CSK: variants seen among roughly 807,000 people sequenced by gnomAD.
CSK encodes the protein tyrosine-protein kinase CSK.
CSK carries 7 observed loss-of-function variants against 62.3 expected under a neutral mutation model. The observed-to-expected ratio is 0.11, with a 90% CI of 0.06 to 0.21. The LOEUF is 0.21. Among genes scored for constraint, CSK ranks in the 10% least tolerant of loss-of-function variants. The pLI, the probability that CSK is intolerant of heterozygous loss-of-function variation, is 1.00. For missense variants in CSK, 294 were observed against 613.5 expected (o/e 0.48, Z 5.50); for synonymous variants, 237 against 246.0 (o/e 0.96, Z 0.34).
At chr15:74,790,829 ACCCT>A (rs1390428989) in intron 1 of CSK, 2 of 152,184 alleles carry the variant, frequency 1.3e-5, no homozygotes, top group South Asian at 2.1e-4. Flanking sequence ...CTCCCAGTCC[ACCCT>A]AAACCACAGG....
Position 74,798,202 on chromosome 15 carries a change from C to A in CSK, c.-65-31C>A. The A allele has an allele frequency of 7.2e-7, 1 of 1,387,344 alleles. No homozygotes were observed. Among genetic ancestry groups the A allele is most frequent in the Non-Finnish European group, 9.7e-7 (1 of 1,026,846 alleles). 85.9% of individuals were successfully genotyped at this position (1,387,344 alleles called of 1,614,324 possible). ...GCAGTTGGGGGGCATTTCTTCACAC[C>A]CCTCCTCAGTCTTCATGCTCTTCCC... On this transcript the variant is annotated intron_variant, in intron 1 of 12. Transcript: ENST00000220003. The surrounding 1 kb of genome is among the most constrained non-coding windows in gnomAD (Gnocchi z 6.6).
chr15:74,791,540 A>G (rs1157402624), intron 1 of CSK, among the ~76,000 whole-genome samples: 1 of 152,132 alleles, frequency 6.6e-6, no homozygotes, highest in Non-Finnish European at 1.5e-5. Flanking sequence ...TTAATTCCAT[A>G]TTATCTACTA....
chr15:74,787,285 G>A (rs1192521290), intron 1 of CSK, among the ~76,000 whole-genome samples: 3 of 152,214 alleles, frequency 2.0e-5, no homozygotes, highest in African/African-American at 7.2e-5. Flanking sequence ...GGGGAGAAGT[G>A]AGCAGGGAGA....
intron 1 of CSK, chr15:74,790,733 A>G (rs2063607428): frequency 2.0e-5 from 3 of 152,194 alleles, no homozygotes; most frequent in African/African-American, 7.2e-5. Flanking sequence ...TCATTCATTC[A>G]TTCATTCAGC....
chr15:74,798,796 G>A lies in CSK; in HGVS notation c.130-30G>A, dbSNP rs368074266. The A allele has an allele frequency of 1.0e-5, 16 of 1,605,956 alleles. No homozygotes were observed. The highest frequency in any genetic ancestry group is 1.3e-5 in the Non-Finnish European group (15 of 1,174,856). Reference sequence around the variant, plus strand: ...TCCCTCTGCAGGGGGAGGTGGGCCTGAGAGCATGTCTGGGCTGCCCTCTCC... The same window carrying A: ...TCCCTCTGCAGGGGGAGGTGGGCCTAAGAGCATGTCTGGGCTGCCCTCTCC... On this transcript the variant is annotated intron_variant, in intron 3 of 12. Transcript: ENST00000220003. The surrounding 1 kb of genome is among the most constrained non-coding windows in gnomAD (Gnocchi z 6.6).
intron 1 of CSK, among the ~76,000 whole-genome samples, chr15:74,796,500 A>G (rs2063707585): frequency 6.6e-6 from 1 of 151,724 alleles, no homozygotes; most frequent in Non-Finnish European, 1.5e-5. Context: ...AGGCTGAGGC[A>G]GGAGGATTGG....
chr15:74,789,769 C>G (rs759777500), intron 1 of CSK, among the ~76,000 whole-genome samples: 3 of 152,224 alleles, frequency 2.0e-5, no homozygotes, highest in Non-Finnish European at 4.4e-5. Flanking sequence ...TCCTGCTCCC[C>G]TCACCCATCT....
intron 1 of CSK, among the ~76,000 whole-genome samples, chr15:74,790,332 C>G (rs1402062311): frequency 6.6e-6 from 1 of 152,232 alleles, no homozygotes; most frequent in Non-Finnish European, 1.5e-5. Flanking sequence ...CCTCCCCTGG[C>G]CCTCAGCACG....
In CSK at chr15:74,798,884, A is replaced by G. The variant is rs1369181420; in HGVS notation, c.188A>G (p.Asn63Ser). Residue 63 changes from asparagine (N) to serine (S), a missense_variant, in exon 4 of 13, where the codon AAC becomes AGC. Asn to Ser is a conservative substitution (Grantham distance 46). This residue lies in a region of CSK where 202 missense variants were observed against 415.7 expected (regional missense o/e 0.49). Coordinates refer to ENST00000220003, the MANE Select transcript of CSK (RefSeq NM_004383.3). The surrounding 1 kb of genome is among the most constrained non-coding windows in gnomAD (Gnocchi z 6.6). ...GGCCGTGAGGGCATCATCCCAGCCAACTACGTCCAGAAGCGGGAGGGCGTG... is the reference window on the plus strand; with the variant it reads ...GGCCGTGAGGGCATCATCCCAGCCAGCTACGTCCAGAAGCGGGAGGGCGTG... ...KVGREGIIPA[N>S]YVQKREGVKA... is the part of the protein sequence containing the mutation. The G allele has an allele frequency of 4.5e-6, 7 of 1,552,594 alleles. No individual in the cohort carries two copies. The highest frequency in any genetic ancestry group is 5.2e-6 in the Non-Finnish European group (6 of 1,149,940).
Position 74,801,404 on chromosome 15 carries a change from A to G in CSK, c.814-118A>G, listed in dbSNP as rs1318789493. Reference sequence around the variant, plus strand: ...GGCATGGATGTTCTGGCCCCTCCCCACTCCTTCCCTGTCTCACACCTCCCT... The same window carrying G: ...GGCATGGATGTTCTGGCCCCTCCCCGCTCCTTCCCTGTCTCACACCTCCCT... On this transcript the variant is annotated intron_variant, in intron 9 of 12. Transcript: ENST00000220003. 5 of 981,142 alleles carry G rather than the reference A, an allele frequency of 5.1e-6. No homozygotes were observed. The East Asian group carries it at 1.3e-4, about 25-fold the overall frequency. 60.8% of individuals were successfully genotyped at this position (981,142 alleles called of 1,614,324 possible).
At position 74,800,904 on chromosome 15, in the gene CSK, C is replaced by G; in HGVS notation, c.704C>G (p.Ala235Gly). The G allele has an allele frequency of 6.2e-7, 1 of 1,613,094 alleles. No individual in the cohort carries two copies. The highest frequency in any genetic ancestry group is 1.1e-5 in the South Asian group (1 of 91,080). The change falls in exon 8 of 13, where the codon GCT becomes GGT. Residue 235 changes from alanine (A) to glycine (G), a missense_variant. Coordinates refer to ENST00000220003, the MANE Select transcript of CSK (RefSeq NM_004383.3). ...KNDATAQAFL[A>G]EASVMTQLRH... The stretch of plus-strand genomic sequence containing the variant: ...GACGCCACTGCCCAGGCCTTCCTGG[C>G]TGAAGCCTCAGTCATGACGTGAGTG...
chr15:74,786,013 T>TTGTG (rs1555464578), intron 1 of CSK, among the ~76,000 whole-genome samples: 12 of 47,824 alleles, frequency 2.5e-4, no homozygotes, highest in African/African-American at 5.4e-4. Flanking sequence ...TTTTTTTTTT[T>TTGTG]TGTGTGTGTG....
Position 74,802,504 on chromosome 15 carries a change from G to A in CSK, c.1344G>A (p.Leu448=), listed in dbSNP as rs756908766. 1.2e-6 allele frequency: 2 copies of A among 1,611,368 alleles called. No individual in the cohort carries two copies. The highest frequency in any genetic ancestry group is 1.1e-5 in the South Asian group (1 of 90,726). ...TTGAGCACATCAAAACCCACGAGCT[G>A]CACCTGTGACGGCTGGCCTCCGCCT... ...EQLEHIKTHE[L]HL The change falls in exon 13 of 13, where the codon CTG becomes CTA. Residue 448 remains leucine (L), a synonymous_variant. Transcript: ENST00000220003.
chr15:74,798,525 C>A lies in CSK; in HGVS notation c.16-90C>A. The A allele has an allele frequency of 7.5e-7, 1 of 1,340,402 alleles. No individual in the cohort carries two copies. The highest frequency in any genetic ancestry group is 1.1e-6 in the Non-Finnish European group (1 of 948,956). The allele number at this position is 1,340,402 out of a possible 1,614,324, so 83.0% of individuals were successfully genotyped here. ...AGCACCTCACCCAGGCTCACAGAGG[C>A]CAGCTCAGAGGCTGTGACCACGAGG... is the stretch of plus-strand genomic sequence containing the variant. On this transcript the variant is annotated intron_variant, in intron 2 of 12. Transcript: ENST00000220003. This position sits in a 1 kb window ranked among gnomAD's most constrained non-coding sequence, Gnocchi z 6.6.
Position 74,799,401 on chromosome 15 carries a change from C to G in CSK, c.372C>G (p.Gly124=). 1 of 1,613,658 alleles carries G rather than the reference C, an allele frequency of 6.2e-7. No individual in the cohort carries two copies. The highest frequency in any genetic ancestry group is 8.5e-7 in the Non-Finnish European group (1 of 1,180,028). ...ACACGCTGTGCGTGAGCTGCGACGG[C>G]AAGGTGGAGCACTACCGCATCATGT... ...GDYTLCVSCD[G]KVEHYRIMYH... is the part of the protein sequence containing the mutation. Residue 124 remains glycine, a synonymous_variant, in exon 5 of 13, where the codon GGC becomes GGG. Transcript: ENST00000220003.
At chr15:74,794,837 T>C (rs1395499525) in intron 1 of CSK, among the ~76,000 whole-genome samples, 1 of 152,118 alleles carries the variant, frequency 6.6e-6, no homozygotes, top group Admixed American at 6.5e-5. Context: ...CTGCTCTCCA[T>C]GATCACATGC....
At chr15:74,785,164 T>C (rs2063496503) in intron 1 of CSK, among the ~76,000 whole-genome samples, 1 of 152,230 alleles carries the variant, frequency 6.6e-6, no homozygotes, top group Admixed American at 6.5e-5. Flanking sequence ...CTGCCAGTCT[T>C]TTCCCCATCC....
intron 9 of CSK, among the ~76,000 whole-genome samples, 154 bp downstream of exon 9, chr15:74,801,256 G>GT (rs1246517804): frequency 6.6e-6 from 1 of 152,220 alleles, no homozygotes; most frequent in African/African-American, 2.4e-5. Context: ...TTCATTGACT[G>GT]TAACATTGGA....
chr15:74,801,635 G>A (rs1340033271), intron 10 of CSK, 40 bp downstream of exon 10: 6 of 1,611,366 alleles, frequency 3.7e-6, no homozygotes, highest in Non-Finnish European at 5.1e-6. Context: ...GGTTTGAGGG[G>A]TACCCTGCCC....
Sources: gnomAD v4.1 joint callset for allele counts (sites outside exome capture counted in the v4.1 genomes callset) on GRCh38, gnomAD v4.1.1 for gene constraint, gnomAD v4.1.1 regional missense constraint, Gnocchi (gnomAD v3.1) non-coding constraint, MANE v1.5 for transcripts, NCBI Gene and HGNC (gene_info 2026-07-23, HGNC 2026-07-21) for gene names.